The following THSD4 variants were observed in gnomAD, a reference collection of about 807,000 sequenced individuals.
THSD4 encodes the protein thrombospondin type 1 domain containing 4.
In THSD4, 69 loss-of-function variants were observed where a neutral mutation model predicts 119.0. The observed-to-expected ratio is 0.58, with a 90% CI of 0.48 to 0.71. THSD4 has a LOEUF of 0.71. THSD4 is among the 30% of genes least tolerant of loss of function. The probability of loss-of-function intolerance (pLI) is 0.00; values close to 1 mark genes in which losing one functional copy is unlikely to be tolerated. For missense variants in THSD4, 1,393 were observed against 1,391.1 expected, an observed-to-expected ratio of 1.00 and a Z score of -0.02; for synonymous variants, 524 against 540.4, an observed-to-expected ratio of 0.97 and a Z score of 0.42.
intron 2 of THSD4, among the ~76,000 whole-genome samples, chr15:71,148,298 C>G (rs940234308): frequency 2.6e-5 from 4 of 152,196 alleles, no homozygotes; most frequent in African/African-American, 9.7e-5. Context: ...CAGTAAACAA[C>G]ACCTGATAGC....
At chr15:71,382,607 A>G (rs2046242238) in intron 6 of THSD4, among the ~76,000 whole-genome samples, 1 of 152,146 alleles carries the variant, frequency 6.6e-6, no homozygotes, top group Non-Finnish European at 1.5e-5. Flanking sequence ...TGCCTTTCTT[A>G]TAACTTTCCT....
chr15:71,215,225 C>G lies in THSD4; in HGVS notation c.290C>G (p.Ala97Gly). The G allele has an allele frequency of 2.1e-6, 3 of 1,410,260 alleles. No homozygotes were observed. In the South Asian group the frequency reaches 4.4e-5, roughly 21 times the overall value. The allele number at this position is 1,410,260 out of a possible 1,614,324, so 87.4% of individuals were successfully genotyped here. ...LRGGQRPGAP[A>G]RAFADHVVSA... The stretch of plus-strand genomic sequence containing the variant: ...GGCGGCCAGCGGCCTGGCGCCCCTG[C>G]GCGCGCCTTCGCGGACCACGTGGTG... The change falls in exon 4 of 18, where the codon GCG becomes GGG. Residue 97 changes from alanine (A) to glycine (G), a missense_variant. Physicochemically the swap from Ala to Gly is moderately conservative, Grantham distance 60. Transcript: ENST00000261862.
chr15:71,299,680 G>A (rs774980054), intron 6 of THSD4, among the ~76,000 whole-genome samples: 1 of 152,078 alleles, frequency 6.6e-6, no homozygotes, highest in South Asian at 2.1e-4. Flanking sequence ...TACTAAAAGA[G>A]TAGACTTCAA....
intron 7 of THSD4, among the ~76,000 whole-genome samples, chr15:71,525,174 G>T (rs1312551569): frequency 6.6e-6 from 1 of 152,078 alleles, no homozygotes; most frequent in Non-Finnish European, 1.5e-5. Context: ...TGTTCTACAT[G>T]TAATGTCTCA....
intron 6 of THSD4, among the ~76,000 whole-genome samples, chr15:71,320,640 CTT>C (rs2045254109): frequency 6.6e-6 from 1 of 152,208 alleles, no homozygotes; most frequent in Non-Finnish European, 1.5e-5. Flanking sequence ...CGTGATCAAA[CTT>C]TTTGCTCCAT....
intron 7 of THSD4, among the ~76,000 whole-genome samples, chr15:71,571,082 G>A (rs1397610921): frequency 6.6e-6 from 1 of 152,178 alleles, no homozygotes. Context: ...GTCCTATGGG[G>A]CATTTCCACC....
intron 4 of THSD4, among the ~76,000 whole-genome samples, chr15:71,233,354 C>A (rs1212309992): frequency 6.6e-6 from 1 of 152,232 alleles, no homozygotes; most frequent in Non-Finnish European, 1.5e-5. Flanking sequence ...TCTGCTTCAA[C>A]TGAGCCTCAC....
chr15:71,438,921 G>GA (rs1322722997), intron 7 of THSD4, among the ~76,000 whole-genome samples: 2 of 152,110 alleles, frequency 1.3e-5, no homozygotes, highest in African/African-American at 4.8e-5. Context: ...TTACTTGATT[G>GA]AAAAATGAAT....
At position 71,199,766 on chromosome 15, in the gene THSD4, G is replaced by GGT. The variant is rs1352447867; in HGVS notation, c.100-15261_100-15260dup. ...GTGTGTGGGTGTGTGTGATGTGTGTGGTGTGTGTGGTGTGTGGGTGTGTGC... is the reference window on the plus strand; with the variant it reads ...GTGTGTGGGTGTGTGTGATGTGTGTGGTGTGTGTGTGGTGTGTGGGTGTGTGC... On this transcript the variant is annotated intron_variant, in intron 3 of 17. Coordinates refer to ENST00000261862, the MANE Select transcript of THSD4 (RefSeq NM_024817.3). Among the ~76,000 whole-genome samples the GGT allele has an allele frequency of 3.6e-5, 4 of 111,520 alleles. No individual in the cohort carries two copies. The East Asian group carries it at 1.3e-3, about 37-fold the overall frequency. The allele number at this position is 111,520 out of a possible 152,430, so 73.2% of individuals were successfully genotyped here.
At position 71,561,901 on chromosome 15, in the gene THSD4, C is replaced by A. The variant is rs1234633449; in HGVS notation, c.1153-98629C>A. 4.4e-3 allele frequency among the ~76,000 whole-genome samples: 274 copies of A among 62,748 alleles called. 9 individuals carry two copies. The highest frequency in any genetic ancestry group is 0.014 in the African/African-American group (232 of 16,806). 41.2% of individuals were successfully genotyped at this position (62,748 alleles called of 152,430 possible). On this transcript the variant is annotated intron_variant, in intron 7 of 17. Coordinates refer to ENST00000261862, the MANE Select transcript of THSD4 (RefSeq NM_024817.3). ...ACACACACACACACACACACACACACACACACACACACACACACAAACACT... is the reference window on the plus strand; with the variant it reads ...ACACACACACACACACACACACACAAACACACACACACACACACAAACACT...
intron 1 of THSD4, among the ~76,000 whole-genome samples, chr15:71,099,590 T>G (rs1227679514): frequency 6.6e-6 from 1 of 152,180 alleles, no homozygotes; most frequent in East Asian, 1.9e-4. Flanking sequence ...TATTCCAGGT[T>G]TCTTTTGATT....
At chr15:71,389,001 G>T (rs2046333185) in intron 6 of THSD4, among the ~76,000 whole-genome samples, 1 of 151,944 alleles carries the variant, frequency 6.6e-6, no homozygotes, top group Non-Finnish European at 1.5e-5. Flanking sequence ...CTTTTGCTTG[G>T]TTCTCATTCT....
chr15:71,579,522 A>G (rs1046399044), intron 7 of THSD4, among the ~76,000 whole-genome samples: 9 of 152,224 alleles, frequency 5.9e-5, no homozygotes, highest in Non-Finnish European at 1.2e-4. Flanking sequence ...TCTCAGCCTT[A>G]GTTAACACAG....
intron 6 of THSD4, among the ~76,000 whole-genome samples, chr15:71,330,531 TTTC>T (rs1462841753): frequency 2.6e-5 from 4 of 152,174 alleles, no homozygotes; most frequent in African/African-American, 9.7e-5. Flanking sequence ...TGAACTTCAG[TTTC>T]TTCTTCTGTA....
intron 8 of THSD4, among the ~76,000 whole-genome samples, chr15:71,702,100 C>T (rs2052301568): frequency 6.6e-6 from 1 of 152,108 alleles, no homozygotes; most frequent in Non-Finnish European, 1.5e-5. Flanking sequence ...CAAATCCATC[C>T]GTGACTTCCT....
chr15:71,299,124 AGG>A (rs2044908964), intron 6 of THSD4, among the ~76,000 whole-genome samples: 2 of 152,244 alleles, frequency 1.3e-5, no homozygotes, highest in South Asian at 4.1e-4. Context: ...GGCGGGAATG[AGG>A]TAACATGACT....
At chr15:71,584,882 A>T (rs1449977152) in intron 7 of THSD4, among the ~76,000 whole-genome samples, 1 of 151,896 alleles carries the variant, frequency 6.6e-6, no homozygotes, top group Non-Finnish European at 1.5e-5. Context: ...TATCTTCATG[A>T]TTTCCATGAG....
chr15:71,167,694 T>C (rs2043307245), intron 3 of THSD4, among the ~76,000 whole-genome samples: 1 of 152,222 alleles, frequency 6.6e-6, no homozygotes, highest in African/African-American at 2.4e-5. Context: ...AGCTGGGGCA[T>C]AAAGAATTAG....
At chr15:71,574,757 C>A (rs1284474733) in intron 7 of THSD4, among the ~76,000 whole-genome samples, 2 of 152,088 alleles carry the variant, frequency 1.3e-5, no homozygotes. Flanking sequence ...TGACCGTGAT[C>A]ATCTCTTCAC....
Sources: gnomAD v4.1 joint callset for allele counts (sites outside exome capture counted in the v4.1 genomes callset) on GRCh38, gnomAD v4.1.1 for gene constraint, MANE v1.5 for transcripts, NCBI Gene and HGNC (gene_info 2026-07-23, HGNC 2026-07-21) for gene names.